Variants in LRRIQ1 observed in about 807,000 individuals in gnomAD.
LRRIQ1 encodes leucine rich repeats and IQ motif containing 1.
A neutral mutation model predicts 211.9 loss-of-function variants in LRRIQ1; 210 were observed. The ratio of observed to expected loss-of-function variants is 0.99; its 90% CI spans 0.89 to 1.11. LRRIQ1 has a LOEUF of 1.11. LRRIQ1 is among the 50% of genes most tolerant of loss of function. The pLI is 0.00. For synonymous variants in LRRIQ1, 699 were observed against 650.1 expected (o/e 1.08, Z -1.14); for missense variants, 2,136 against 1,939.5 (o/e 1.10, Z -1.90).
downstream of LRRIQ1, among the ~76,000 whole-genome samples, chr12:85,248,848 A>G (rs1895812733): frequency 6.6e-6 from 1 of 151,728 alleles, no homozygotes; most frequent in Admixed American, 6.6e-5. Context: ...ATATGAATGT[A>G]TCATTGTGGA....
chr12:85,159,742 TC>T (rs2136718835), intron 23 of LRRIQ1, among the ~76,000 whole-genome samples: 1 of 140,826 alleles, frequency 7.1e-6, no homozygotes, highest in South Asian at 2.1e-4. Flanking sequence ...GACTAATTGT[TC>T]TTTGACATGT....
At chr12:85,043,824 C>T (rs1387734153) in intron 3 of LRRIQ1, among the ~76,000 whole-genome samples, 1 of 152,004 alleles carries the variant, frequency 6.6e-6, no homozygotes, top group Non-Finnish European at 1.5e-5. Context: ...AGACATTAAT[C>T]CTCTACTATA....
intron 10 of LRRIQ1, among the ~76,000 whole-genome samples, chr12:85,070,947 A>G (rs1883017116): frequency 6.6e-6 from 1 of 151,974 alleles, no homozygotes; most frequent in African/African-American, 2.4e-5. Flanking sequence ...TATGATTAAA[A>G]TAGTATGTTA....
rs148906693 is a variant in LRRIQ1, at chr12:85,098,503, T to C, written c.3036T>C (p.Cys1012=). ...HLTDVEGVEN[C]GLLQILKLQG... is the part of the protein sequence containing the mutation. Reference sequence around the variant, plus strand: ...CTGATGTAGAGGGCGTTGAAAATTGTGGATTGCTCCAAATATTGAAGTTAC... The same window carrying C: ...CTGATGTAGAGGGCGTTGAAAATTGCGGATTGCTCCAAATATTGAAGTTAC... Residue 1012 remains cysteine (C), a synonymous_variant, in exon 12 of 27, where the codon TGT becomes TGC. Coordinates refer to ENST00000393217, the MANE Select transcript of LRRIQ1 (RefSeq NM_001079910.2). 6 of 1,611,168 alleles carry C rather than the reference T, an allele frequency of 3.7e-6. No individual in the cohort carries two copies. In the African/African-American group the frequency reaches 5.3e-5, roughly 14 times the overall value.
chr12:85,230,425 T>C (rs916391263), intron 25 of LRRIQ1, among the ~76,000 whole-genome samples: 17 of 152,200 alleles, frequency 1.1e-4, no homozygotes, highest in Admixed American at 2.0e-4. Context: ...ATGTGGACTG[T>C]GTTGTCTTTG....
chr12:85,177,089 A>C (rs1891744914), intron 24 of LRRIQ1, among the ~76,000 whole-genome samples: 1 of 152,182 alleles, frequency 6.6e-6, no homozygotes, highest in Non-Finnish European at 1.5e-5. Flanking sequence ...CAAGTAATAT[A>C]CACCACATAA....
At chr12:85,192,747 T>A (rs1404292207) in intron 24 of LRRIQ1, among the ~76,000 whole-genome samples, 3 of 100,144 alleles carry the variant, frequency 3.0e-5, no homozygotes, top group Non-Finnish European at 5.1e-5. Flanking sequence ...TATAATTATA[T>A]ATAAATATAT....
At chr12:85,188,180 A>G (rs935453966) in intron 24 of LRRIQ1, among the ~76,000 whole-genome samples, 29 of 152,240 alleles carry the variant, frequency 1.9e-4, no homozygotes, top group Non-Finnish European at 3.7e-4. Flanking sequence ...TTGCAAATAC[A>G]TCAAATTATA....
At chr12:85,264,040 A>G (rs997683221) in exon 2 of LRRIQ1, 5 of 152,164 alleles carry the variant, frequency 3.3e-5, no homozygotes, top group African/African-American at 9.6e-5. Context: ...TTGCTCAATA[A>G]TAGCATCCAG....
intron 13 of LRRIQ1, 57 bp downstream of exon 13, chr12:85,099,051 A>G: frequency 5.6e-6 from 7 of 1,250,986 alleles, no homozygotes; most frequent in Non-Finnish European, 7.7e-6. Flanking sequence ...TAAATATGTG[A>G]TGTTCATAAA....
At chr12:85,229,366 C>T (rs1316402044) in intron 24 of LRRIQ1, 151 bp from the exon 25 acceptor site, 2 of 567,128 alleles carry the variant, frequency 3.5e-6, no homozygotes, top group African/African-American at 3.9e-5. Context: ...CATTACTTTT[C>T]TTACTGACAT....
intron 7 of LRRIQ1, among the ~76,000 whole-genome samples, chr12:85,053,204 A>G (rs1057130979): frequency 1.3e-5 from 2 of 152,160 alleles, no homozygotes; most frequent in African/African-American, 4.8e-5. Context: ...TGGTGAAAAG[A>G]TATAAAATTT....
chr12:85,166,453 T>C (rs1279536665), intron 24 of LRRIQ1, among the ~76,000 whole-genome samples: 1 of 152,264 alleles, frequency 6.6e-6, no homozygotes, highest in African/African-American at 2.4e-5. Flanking sequence ...TTGTATTAAA[T>C]GTTTAAATAT....
At chr12:85,048,767 A>G (rs754121037) in intron 6 of LRRIQ1, among the ~76,000 whole-genome samples, 1 of 152,174 alleles carries the variant, frequency 6.6e-6, no homozygotes, top group Non-Finnish European at 1.5e-5. Context: ...AGGATTGAGT[A>G]TAATGTAGAT....
At chr12:85,217,490 ATG>A (rs1240277495) in intron 24 of LRRIQ1, among the ~76,000 whole-genome samples, 13,908 of 81,764 alleles carry the variant, frequency 0.17, 1,965 homozygotes, top group African/African-American at 0.33. Flanking sequence ...ATATATATAT[ATG>A]TATATATATA....
rs1430028875 is a variant in LRRIQ1, at chr12:85,055,912, G to C, written c.1119G>C (p.Gln373His). 3.1e-6 allele frequency: 5 copies of C among 1,601,752 alleles called. No homozygotes were observed. Among genetic ancestry groups the C allele is most frequent in the Non-Finnish European group, 4.3e-6 (5 of 1,176,320 alleles). ...EYEEKKNIVK[Q>H]EREQLISKEK... ...AAGAAAAAAAGAATATTGTGAAACA[G>C]GAAAGAGAGCAACTAATAAGCAAGG... Residue 373 changes from glutamine to histidine, a missense_variant, in exon 8 of 27, where the codon CAG (glutamine) becomes CAC (histidine). By Grantham distance (24) the Gln-to-His change is conservative. Transcript: ENST00000393217.
chr12:85,218,576 G>C (rs1894261640), intron 24 of LRRIQ1, among the ~76,000 whole-genome samples: 1 of 152,014 alleles, frequency 6.6e-6, no homozygotes, highest in African/African-American at 2.4e-5. Flanking sequence ...ACTATGTACA[G>C]TTTCGTTGCT....
At chr12:85,064,404 A>G (rs984074438) in intron 8 of LRRIQ1, among the ~76,000 whole-genome samples, 2 of 151,756 alleles carry the variant, frequency 1.3e-5, no homozygotes, top group African/African-American at 4.8e-5. Context: ...TGAGCTTCTT[A>G]TATATTCCGG....
intron 24 of LRRIQ1, among the ~76,000 whole-genome samples, chr12:85,203,809 A>G (rs929840895): frequency 5.9e-5 from 9 of 152,174 alleles, no homozygotes; most frequent in African/African-American, 2.2e-4. Flanking sequence ...GAAACAGCAT[A>G]AAAGTATGAG....
Sources: gnomAD v4.1 joint callset for allele counts (sites outside exome capture counted in the v4.1 genomes callset) on GRCh38, gnomAD v4.1.1 for gene constraint, MANE v1.5 for transcripts, NCBI Gene and HGNC (gene_info 2026-07-23, HGNC 2026-07-21) for gene names.